HS6ST2: variants seen among roughly 807,000 people sequenced by gnomAD.
HS6ST2 encodes heparan sulfate 6-O-sulfotransferase 2.
HS6ST2 carries 17 observed loss-of-function variants against 33.0 expected under a neutral mutation model. That is an observed-to-expected ratio of 0.52 (90% CI 0.35 to 0.77). The LOEUF (loss-of-function observed/expected upper bound fraction) is 0.77. Among genes scored for constraint, HS6ST2 ranks in the 30% least tolerant of loss-of-function variants. The pLI is 0.01. For synonymous variants in HS6ST2, 248 were observed against 237.1 expected (o/e 1.05, Z -0.42); for missense variants, 519 against 551.7 (o/e 0.94, Z 0.59).
chrX:132,944,833 C>T (rs1218882390), intron 2 of HS6ST2, among the ~76,000 whole-genome samples: 3 of 110,412 alleles, frequency 2.7e-5, no homozygotes, highest in Admixed American at 9.7e-5. Context: ...CCCTTCCTTA[C>T]ACCTTATACA....
upstream of HS6ST2, among the ~76,000 whole-genome samples, chrX:132,959,248 A>C (rs2067125384): frequency 8.9e-6 from 1 of 112,031 alleles, no homozygotes; most frequent in Admixed American, 9.4e-5. Context: ...CTCAAGCTCC[A>C]GTGTCCGAAA....
intron 2 of HS6ST2, among the ~76,000 whole-genome samples, chrX:132,883,021 G>A (rs1031019343): frequency 2.7e-5 from 3 of 111,011 alleles, no homozygotes; most frequent in Admixed American, 9.6e-5. Flanking sequence ...TGCTGGATTC[G>A]GTTTGCCAGT....
chrX:132,901,617 A>G (rs763996169), intron 2 of HS6ST2, among the ~76,000 whole-genome samples: 1 of 111,772 alleles, frequency 8.9e-6, no homozygotes, highest in East Asian at 2.8e-4. Flanking sequence ...AGGAACTCAG[A>G]AAAGTACATG....
intron 2 of HS6ST2, among the ~76,000 whole-genome samples, chrX:132,934,053 G>A (rs904360018): frequency 1.1e-5 from 1 of 94,438 alleles, no homozygotes; most frequent in African/African-American, 4.2e-5. Context: ...CTCATTTGAA[G>A]ATAATAATGT....
chrX:132,710,881 T>C (rs966403746), intron 2 of HS6ST2, among the ~76,000 whole-genome samples: 2 of 111,535 alleles, frequency 1.8e-5, no homozygotes, highest in African/African-American at 6.5e-5. Context: ...CAACAGAGTC[T>C]TTCTCATTTG....
chrX:132,775,543 C>A (rs138013552), intron 2 of HS6ST2, among the ~76,000 whole-genome samples: 3 of 111,854 alleles, frequency 2.7e-5, no homozygotes, highest in Admixed American at 9.5e-5. Flanking sequence ...AAAAAGATTT[C>A]TTTATGAGAC....
chrX:132,770,834 T>C (rs1255896058), intron 2 of HS6ST2, among the ~76,000 whole-genome samples: 1 of 111,748 alleles, frequency 8.9e-6, no homozygotes, highest in Non-Finnish European at 1.9e-5. Flanking sequence ...TAAAAATGTG[T>C]ATACCCTTAC....
intron 2 of HS6ST2, among the ~76,000 whole-genome samples, chrX:132,729,077 C>G (rs188639381): frequency 8.9e-6 from 1 of 112,226 alleles, no homozygotes; most frequent in Admixed American, 9.4e-5. Context: ...ACATGCCAGT[C>G]ACTGTCCAGG....
At chrX:132,678,460 A>C (rs972712435) in intron 3 of HS6ST2, among the ~76,000 whole-genome samples, 1 of 112,556 alleles carries the variant, frequency 8.9e-6, no homozygotes, top group Non-Finnish European at 1.9e-5. Context: ...CCCCTAAACT[A>C]TGCGTTCATG....
At chrX:132,709,384 G>A (rs755426940) in intron 2 of HS6ST2, among the ~76,000 whole-genome samples, 60 of 111,995 alleles carry the variant, frequency 5.4e-4, no homozygotes, top group African/African-American at 1.7e-3. Context: ...CAGCAAATAC[G>A]CTTTGCAGGC....
chrX:132,886,177 G>T (rs750615623), intron 2 of HS6ST2, among the ~76,000 whole-genome samples: 1 of 111,767 alleles, frequency 8.9e-6, no homozygotes, highest in Non-Finnish European at 1.9e-5. Flanking sequence ...AGGAACCCAC[G>T]TTTAAAGAGT....
intron 2 of HS6ST2, among the ~76,000 whole-genome samples, chrX:132,778,851 A>T (rs2064991651): frequency 8.9e-6 from 1 of 112,201 alleles, no homozygotes; most frequent in Non-Finnish European, 1.9e-5. Context: ...AGCTATCAGA[A>T]CATTTCACAC....
rs36028236 is a variant in HS6ST2, at chrX:132,708,299, T to TAAAAAA, written c.980+157_980+162dup. Among the ~76,000 whole-genome samples, 10 of 21,210 alleles carry TAAAAAA rather than the reference T, an allele frequency of 4.7e-4. 1 individual carries two copies. The highest frequency in any genetic ancestry group is 7.1e-4 in the African/African-American group (4 of 5,602). The allele number at this position is 21,210 out of a possible 115,157, so 18.4% of individuals were successfully genotyped here. ...CTGGGTAGTTTCAGCTGTTTTAAAC[T>TAAAAAA]AAAAAAAAAAAAAAAAAAAAAAAAA... On this transcript the variant is annotated intron_variant, in intron 3 of 4. Transcript: ENST00000370833.
intron 2 of HS6ST2, among the ~76,000 whole-genome samples, chrX:132,847,912 C>T (rs2065767254): frequency 1.8e-5 from 2 of 112,366 alleles, no homozygotes; most frequent in Admixed American, 9.4e-5. Context: ...CAGTGCATGA[C>T]AGCAATGGGA....
intron 2 of HS6ST2, among the ~76,000 whole-genome samples, chrX:132,882,733 G>T (rs2066191983): frequency 9.0e-6 from 1 of 110,558 alleles, no homozygotes. Flanking sequence ...TCCAGTTTTT[G>T]CCCATTCAGT....
intron 2 of HS6ST2, among the ~76,000 whole-genome samples, chrX:132,757,496 T>C (rs909693161): frequency 1.8e-5 from 2 of 111,269 alleles, no homozygotes; most frequent in Non-Finnish European, 3.8e-5. Context: ...CCTGGGCAGA[T>C]GCTGGGTTCA....
chrX:132,811,663 A>AACCT (rs1569493562), intron 2 of HS6ST2, among the ~76,000 whole-genome samples: 1 of 79,206 alleles, frequency 1.3e-5, no homozygotes, highest in African/African-American at 4.9e-5. Flanking sequence ...GCTGTGTCAG[A>AACCT]ACTTTGTTTT....
chrX:132,869,503 C>A (rs1362893388), intron 2 of HS6ST2, among the ~76,000 whole-genome samples: 1 of 111,604 alleles, frequency 9.0e-6, no homozygotes, highest in Non-Finnish European at 1.9e-5. Flanking sequence ...TGAACATTGA[C>A]GTGAAAATCC....
chrX:132,771,588 A>C, intron 2 of HS6ST2, among the ~76,000 whole-genome samples: 1 of 111,868 alleles, frequency 8.9e-6, no homozygotes, highest in African/African-American at 3.2e-5. Flanking sequence ...TTCTTCAATT[A>C]GGCTCAAAAG....
Sources: gnomAD v4.1 joint callset for allele counts (sites outside exome capture counted in the v4.1 genomes callset) on GRCh38, gnomAD v4.1.1 for gene constraint, MANE v1.5 for transcripts, NCBI Gene and HGNC (gene_info 2026-07-23, HGNC 2026-07-21) for gene names.